The following CMC1 variants were observed in gnomAD, a reference collection of about 807,000 sequenced individuals.
CMC1 encodes COX assembly mitochondrial protein homolog.
A neutral mutation model predicts 14.1 loss-of-function variants in CMC1; 14 were observed. The observed-to-expected ratio is 0.99, with a 90% CI of 0.66 to 1.55. CMC1 has a LOEUF of 1.55. Among genes scored for constraint, CMC1 ranks in the 40% most tolerant of loss-of-function variants. CMC1 has a pLI of 0.00. For missense variants in CMC1, 127 were observed against 123.8 expected (o/e 1.03, Z -0.12); for synonymous variants, 50 against 38.4 (o/e 1.30, Z -1.12).
chr3:28,285,805 C>T (rs1701144289), intron 2 of CMC1, among the ~76,000 whole-genome samples: 2 of 147,960 alleles, frequency 1.4e-5, no homozygotes, highest in South Asian at 2.1e-4. Flanking sequence ...CTTGCTCTGT[C>T]GCCCAGGCTG....
rs112534244 is a variant in CMC1 at position 28,279,786 on chromosome 3, G to A, written c.109+16406G>A. Reference sequence around the variant, plus strand: ...TTTAAAAAATGAGCAAAACCCTTACGGACTTGTAGGACAATAACATAAGGA... The same window carrying A: ...TTTAAAAAATGAGCAAAACCCTTACAGACTTGTAGGACAATAACATAAGGA... On this transcript the variant is annotated intron_variant, in intron 2 of 3. Coordinates refer to ENST00000466830, the MANE Select transcript of CMC1 (RefSeq NM_182523.2). 8.0e-3 allele frequency among the ~76,000 whole-genome samples: 1,216 copies of A among 152,214 alleles called. 23 individuals carry two copies. The highest frequency in any genetic ancestry group is 0.028 in the African/African-American group (1,146 of 41,526).
chr3:28,324,501 A>G lies in CMC1; in HGVS notation c.*4872A>G. 1 of 1,395,710 alleles carries G rather than the reference A, an allele frequency of 7.2e-7. No homozygotes were observed. The highest frequency in any genetic ancestry group is 2.4e-5 in the East Asian group (1 of 42,218). The allele number at this position is 1,395,710 out of a possible 1,614,324, so 86.5% of individuals were successfully genotyped here. On this transcript the variant is annotated 3_prime_UTR_variant, in exon 4 of 4. Transcript: ENST00000466830. The stretch of plus-strand genomic sequence containing the variant: ...AATGTCAGTTTTCATTACATTTGTG[A>G]TCATAAAATTCGATAACACTTCACC...
rs550932330 is a variant in CMC1, at chr3:28,263,277, C to CTT, written c.20-5_20-4dup. 20 of 1,418,330 alleles carry CTT rather than the reference C, an allele frequency of 1.4e-5. No homozygotes were observed. The highest frequency in any genetic ancestry group is 5.1e-5 in the East Asian group (2 of 39,508). 87.9% of individuals were successfully genotyped at this position (1,418,330 alleles called of 1,614,324 possible). A position where few individuals can be genotyped will look rare whatever the true frequency, so the allele number is the denominator to read the frequency against. ...GCTTGAGACTTTATTAAAGAAAGAT[C>CTT]TTTTTTTTTTCAGACCAGCATCTCA... On this transcript the variant is annotated splice_polypyrimidine_tract_variant and intron_variant, in intron 1 of 3. Coordinates refer to ENST00000466830, the MANE Select transcript of CMC1 (RefSeq NM_182523.2).
At chr3:28,310,971 G>A (rs1267944780) in intron 2 of CMC1, among the ~76,000 whole-genome samples, 1 of 152,182 alleles carries the variant, frequency 6.6e-6, no homozygotes, top group African/African-American at 2.4e-5. Flanking sequence ...TGGAGCTCAG[G>A]CAGTAATGCT....
In CMC1 at chr3:28,263,310, C is replaced by G. The variant is rs139180372; in HGVS notation, c.39C>G (p.Val13=). 1.2e-6 allele frequency: 2 copies of G among 1,603,536 alleles called. No homozygotes were observed. The highest frequency in any genetic ancestry group is 1.7e-5 in the Admixed American group (1 of 58,662). ...TTTCAGACCAGCATCTCAGACATGT[C>G]GAAAAAGATGTTTTGATCCCTAAAA... ...LDPADQHLRH[V]EKDVLIPKIM... Residue 13 remains valine (V), a synonymous_variant, in exon 2 of 4, where the codon GTC becomes GTG. Coordinates refer to ENST00000466830, the MANE Select transcript of CMC1 (RefSeq NM_182523.2).
intron 1 of CMC1, among the ~76,000 whole-genome samples, chr3:28,249,304 A>G (rs1276492270): frequency 6.6e-6 from 1 of 152,224 alleles, no homozygotes; most frequent in African/African-American, 2.4e-5. Flanking sequence ...TCATTATTGT[A>G]TACACAATCC....
chr3:28,267,176 A>T (rs1018722448), intron 2 of CMC1, among the ~76,000 whole-genome samples: 2 of 152,090 alleles, frequency 1.3e-5, no homozygotes, highest in Admixed American at 1.3e-4. Context: ...AGTAATATTT[A>T]AAAAATATTG....
chr3:28,294,730 C>T (rs1379658925), intron 2 of CMC1, among the ~76,000 whole-genome samples: 1 of 151,834 alleles, frequency 6.6e-6, no homozygotes, highest in East Asian at 1.9e-4. Context: ...TTTATTTTTT[C>T]CATTTTCGCT....
intron 2 of CMC1, among the ~76,000 whole-genome samples, chr3:28,265,097 T>TA (rs1699939239): frequency 6.6e-6 from 1 of 152,176 alleles, no homozygotes; most frequent in South Asian, 2.1e-4. Context: ...TTTAGGATGT[T>TA]GACGTAGTTA....
At chr3:28,295,958 C>G (rs1701721590) in intron 2 of CMC1, among the ~76,000 whole-genome samples, 1 of 152,104 alleles carries the variant, frequency 6.6e-6, no homozygotes, top group Non-Finnish European at 1.5e-5. Context: ...ACTGTATCAT[C>G]TGGGTTATAT....
At chr3:28,270,316 G>T (rs533587016) in intron 2 of CMC1, among the ~76,000 whole-genome samples, 2 of 152,214 alleles carry the variant, frequency 1.3e-5, no homozygotes, top group Middle Eastern at 6.8e-3. Flanking sequence ...CTGGTTTTAG[G>T]TCTTTGAGGA....
At chr3:28,255,489 G>A (rs147839443) in intron 1 of CMC1, among the ~76,000 whole-genome samples, 149 of 151,846 alleles carry the variant, frequency 9.8e-4, no homozygotes, top group African/African-American at 3.4e-3. Flanking sequence ...CAAGTGAGCC[G>A]CCTGCTTCAG....
rs529345170 is a variant in CMC1 at position 28,268,696 on chromosome 3, A to T, written c.109+5316A>T. ...CAAGCCTTTTAAGGATAGCAGTGTCATGCCTGCTATGTTAACTCTTTTCTG... is the reference window on the plus strand; with the variant it reads ...CAAGCCTTTTAAGGATAGCAGTGTCTTGCCTGCTATGTTAACTCTTTTCTG... On this transcript the variant is annotated intron_variant, in intron 2 of 3. Coordinates refer to ENST00000466830, the MANE Select transcript of CMC1 (RefSeq NM_182523.2). Among the ~76,000 whole-genome samples the T allele has an allele frequency of 1.7e-3, 252 of 152,348 alleles. 1 individual carries two copies. In the South Asian group the frequency reaches 0.019, roughly 11 times the overall value.
intron 2 of CMC1, among the ~76,000 whole-genome samples, chr3:28,285,226 G>A (rs898366739): frequency 6.6e-6 from 1 of 152,160 alleles, no homozygotes; most frequent in East Asian, 1.9e-4. Context: ...TTCTGTTGCT[G>A]AGTACAGTAG....
chr3:28,273,261 AGCT>A lies in CMC1; in HGVS notation c.109+9884_109+9886del, dbSNP rs965844515. On this transcript the variant is annotated intron_variant, in intron 2 of 3. Transcript: ENST00000466830. ...TAAATTTCCCTCTTAACACTGCTTT[AGCT>A]GCATCCCAGAGGTTCTGGTATGTTG... Among the ~76,000 whole-genome samples the A allele has an allele frequency of 2.0e-4, 30 of 152,304 alleles. No individual in the cohort carries two copies. The Middle Eastern group carries it at 0.017, about 86-fold the overall frequency.
chr3:28,246,132 C>T (rs886075882), intron 1 of CMC1, among the ~76,000 whole-genome samples: 5 of 151,250 alleles, frequency 3.3e-5, no homozygotes, highest in Admixed American at 1.3e-4. Flanking sequence ...TTATTATTGC[C>T]GCCATATCTC....
In CMC1 at chr3:28,322,182, A is replaced by ACTT. The variant is rs1233001338; in HGVS notation, c.*2554_*2556dup. 2 of 151,126 alleles carry ACTT rather than the reference A, an allele frequency of 1.3e-5. No homozygotes were observed. Among genetic ancestry groups the ACTT allele is most frequent in the Admixed American group, 1.3e-4 (2 of 15,108 alleles). The allele number at this position is 151,126 out of a possible 1,614,324, so 9.4% of individuals were successfully genotyped here. A position where few individuals can be genotyped will look rare whatever the true frequency, so the allele number is the denominator to read the frequency against. Reference sequence around the variant, plus strand: ...ACACTTTAAACTGTCACAGTCACTGACTTTTTAGTATACCTGTTTGATAGC... The same window carrying ACTT: ...ACACTTTAAACTGTCACAGTCACTGACTTCTTTTTAGTATACCTGTTTGATAGC... On this transcript the variant is annotated 3_prime_UTR_variant, in exon 4 of 4. Coordinates refer to ENST00000466830, the MANE Select transcript of CMC1 (RefSeq NM_182523.2).
chr3:28,263,303 G>C lies in CMC1; in HGVS notation c.32G>C (p.Arg11Thr), dbSNP rs201002184. ...TTTTTTTTTTCAGACCAGCATCTCA[G>C]ACATGTCGAAAAAGATGTTTTGATC... The part of the protein sequence containing the change: MALDPADQHL[R>T]HVEKDVLIPK... Residue 11 changes from arginine to threonine, a missense_variant, in exon 2 of 4, where the codon AGA becomes ACA. Physicochemically the swap from Arg to Thr is moderately conservative, Grantham distance 71 (BLOSUM62 -1). Transcript: ENST00000466830. 225 of 1,603,558 alleles carry C rather than the reference G, an allele frequency of 1.4e-4. No homozygotes were observed. The highest frequency in any genetic ancestry group is 3.7e-4 in the Admixed American group (22 of 58,680).
In CMC1 at chr3:28,316,465, T is replaced by C. The variant is rs371706042; in HGVS notation, c.200+42T>C. The C allele has an allele frequency of 6.4e-5, 73 of 1,146,624 alleles. No individual in the cohort carries two copies. The African/African-American group carries it at 1.1e-3, about 18-fold the overall frequency. The allele number at this position is 1,146,624 out of a possible 1,614,324, so 71.0% of individuals were successfully genotyped here. A position where few individuals can be genotyped will look rare whatever the true frequency, so the allele number is the denominator to read the frequency against. ...GCGTTTGTGCTTGTATGTGTATTTG[T>C]GGTAGATAAGAGTATGTTACTTAAC... is the stretch of plus-strand genomic sequence containing the variant. On this transcript the variant is annotated intron_variant, in intron 3 of 3. Coordinates refer to ENST00000466830, the MANE Select transcript of CMC1 (RefSeq NM_182523.2).
Sources: gnomAD v4.1 joint callset for allele counts (sites outside exome capture counted in the v4.1 genomes callset) on GRCh38, gnomAD v4.1.1 for gene constraint, MANE v1.5 for transcripts, NCBI Gene and HGNC (gene_info 2026-07-23, HGNC 2026-07-21) for gene names.